GASK1A: variants seen among roughly 807,000 people sequenced by gnomAD.
GASK1A encodes the protein Golgi-associated kinase 1A.
Under a neutral mutation model 41.2 loss-of-function variants are expected in GASK1A, and 40 were observed. The ratio of observed to expected loss-of-function variants is 0.97; its 90% CI spans 0.75 to 1.27. The LOEUF (loss-of-function observed/expected upper bound fraction) is 1.27, where lower values mean the gene tolerates loss of function less well. Ranked by LOEUF, GASK1A falls within the 50% of genes most tolerant of loss-of-function variation. The pLI, the probability that GASK1A is intolerant of heterozygous loss-of-function variation, is 0.00. For synonymous variants in GASK1A, 316 were observed against 307.1 expected, an observed-to-expected ratio of 1.03 and a Z score of -0.30; for missense variants, 678 against 745.1, an observed-to-expected ratio of 0.91 and a Z score of 1.05.
intron 3 of GASK1A, among the ~76,000 whole-genome samples, chr3:43,055,037 CA>C (rs1228345860): frequency 6.6e-6 from 1 of 152,104 alleles, no homozygotes; most frequent in African/African-American, 2.4e-5. Flanking sequence ...CTTCAGCCAC[CA>C]AAATAGGATC....
At chr3:43,047,575 C>T (rs1315362154) in intron 2 of GASK1A, among the ~76,000 whole-genome samples, 1 of 152,110 alleles carries the variant, frequency 6.6e-6, no homozygotes, top group African/African-American at 2.4e-5. Context: ...TGCTATTGGC[C>T]TCTTAATTTG....
chr3:43,016,934 G>T, intron 1 of GASK1A, among the ~76,000 whole-genome samples: 1 of 148,104 alleles, frequency 6.8e-6, no homozygotes, highest in Non-Finnish European at 1.5e-5. Flanking sequence ...GGAAGGGGCT[G>T]TGTGAAGTCC....
In GASK1A at chr3:43,038,174, A is replaced by G. The variant is rs80134610; in HGVS notation, c.1290+4621A>G. Among the ~76,000 whole-genome samples the G allele has an allele frequency of 6.4e-3, 976 of 152,324 alleles. 14 individuals are homozygous for G. Among genetic ancestry groups the G allele is most frequent in the African/African-American group, 0.023 (942 of 41,582 alleles). ...AAACTTTTCGTGACTCACACCATGC[A>G]TCTGTGATCAATGAACTATGTGGTT... On this transcript the variant is annotated intron_variant, in intron 2 of 4. Coordinates refer to ENST00000430121, the MANE Select transcript of GASK1A (RefSeq NM_001129908.3).
intron 1 of GASK1A, among the ~76,000 whole-genome samples, chr3:43,005,597 A>G (rs1446915981): frequency 6.6e-6 from 1 of 152,184 alleles, no homozygotes; most frequent in Admixed American, 6.5e-5. Flanking sequence ...TCATGGCCCA[A>G]AGTGCAAGAG....
intron 1 of GASK1A, among the ~76,000 whole-genome samples, chr3:43,026,828 C>T (rs1320749426): frequency 1.3e-5 from 2 of 151,998 alleles, no homozygotes; most frequent in African/African-American, 4.8e-5. Context: ...AAAATAAAGT[C>T]ATGGAATGGA....
intron 1 of GASK1A, among the ~76,000 whole-genome samples, chr3:42,980,929 C>A (rs533549459): frequency 6.6e-6 from 1 of 152,292 alleles, no homozygotes; most frequent in East Asian, 1.9e-4. Context: ...ACTCAGGCCA[C>A]AGCCATCCAC....
At chr3:43,022,737 A>G (rs1162331453) in intron 1 of GASK1A, among the ~76,000 whole-genome samples, 1 of 152,224 alleles carries the variant, frequency 6.6e-6, no homozygotes, top group Non-Finnish European at 1.5e-5. Flanking sequence ...GTGGGGCCCA[A>G]CAACTTCCTC....
chr3:43,033,440 C>G lies in GASK1A; in HGVS notation c.1177C>G (p.Leu393Val), dbSNP rs757818596. Residue 393 changes from leucine to valine, a missense_variant, in exon 2 of 5, where the codon CTG becomes GTG. Coordinates refer to ENST00000430121, the MANE Select transcript of GASK1A (RefSeq NM_001129908.3). The part of the protein sequence containing the change: ...EDQNSLALGW[L>V]QYQALLAHSC... ...TCAGAACTCTCTGGCCTTGGGCTGG[C>G]TGCAGTATCAGGCCCTGCTGGCACA... 4 of 1,551,292 alleles carry G rather than the reference C, an allele frequency of 2.6e-6. No individual in the cohort carries two copies.
chr3:43,030,819 C>T (rs1434487029), intron 1 of GASK1A, among the ~76,000 whole-genome samples: 1 of 152,010 alleles, frequency 6.6e-6, no homozygotes, highest in Non-Finnish European at 1.5e-5. Flanking sequence ...AGATATGGCT[C>T]GGGTGGATTG....
chr3:43,005,038 G>C (rs1376179763), intron 1 of GASK1A, among the ~76,000 whole-genome samples: 1 of 141,644 alleles, frequency 7.1e-6, no homozygotes, highest in Non-Finnish European at 1.6e-5. Context: ...AAAGCCACCA[G>C]TGCAGCATCT....
At chr3:42,979,791 G>T in intron 1 of GASK1A, 146 bp downstream of exon 1, 1 of 824,816 alleles carries the variant, frequency 1.2e-6, no homozygotes. Flanking sequence ...TGCATGGGGC[G>T]GCGGCGGCTT....
chr3:43,023,962 C>T (rs924662474), intron 1 of GASK1A, among the ~76,000 whole-genome samples: 2 of 152,088 alleles, frequency 1.3e-5, no homozygotes, highest in African/African-American at 4.8e-5. Context: ...AGGTGGGGAC[C>T]GGCAGTACAC....
chr3:43,000,467 G>C (rs2089403100), intron 1 of GASK1A, among the ~76,000 whole-genome samples: 1 of 152,214 alleles, frequency 6.6e-6, no homozygotes, highest in Non-Finnish European at 1.5e-5. Context: ...TCCAGGCTTG[G>C]CCCTTGATGC....
At position 43,033,517 on chromosome 3, in the gene GASK1A, G is replaced by A. The variant is rs2089590772; in HGVS notation, c.1254G>A (p.Glu418=). ...CGTGCCCGGGCATCCACCATACCGA[G>A]TGGGCACGCCTGGCGCTCTTCGACT... The part of the protein sequence containing the change: ...QAPCPGIHHT[E]WARLALFDFL... Residue 418 remains glutamate, a synonymous_variant, in exon 2 of 5, where the codon GAG becomes GAA. Transcript: ENST00000430121. The A allele has an allele frequency of 2.6e-6, 4 of 1,547,146 alleles. No homozygotes were observed. The highest frequency in any genetic ancestry group is 2.6e-6 in the Non-Finnish European group (3 of 1,144,672).
Position 43,032,587 on chromosome 3 carries a change from A to G in GASK1A, c.324A>G (p.Pro108=). ...GAGTGGACAGAAGCAGGGAGTCCCC[A>G]GGAGGGGACCTCAGGCATCCAGGGA... The part of the protein sequence containing the change: ...RARVDRSRES[P]GGDLRHPGRV... The change falls in exon 2 of 5, where the codon CCA becomes CCG. Residue 108 remains proline (P), a synonymous_variant. Transcript: ENST00000430121. The G allele has an allele frequency of 6.4e-7, 1 of 1,551,554 alleles. No individual in the cohort carries two copies. The highest frequency in any genetic ancestry group is 8.7e-7 in the Non-Finnish European group (1 of 1,146,860).
intron 1 of GASK1A, among the ~76,000 whole-genome samples, chr3:43,025,640 T>G (rs1268793539): frequency 6.6e-6 from 1 of 152,192 alleles, no homozygotes; most frequent in Non-Finnish European, 1.5e-5. Flanking sequence ...AGCTGGTGAA[T>G]AAATCTTGTG....
In GASK1A at chr3:42,985,546, CGTGTGTGTGTGTGT is replaced by C. The variant is rs56195274; in HGVS notation, c.3+5929_3+5942del. ...AGTTTATTGAGGCTGCCTGTGCATA[CGTGTGTGTGTGTGT>C]GTGTGTGTGTGTGTGTGTGTGTGTG... is the stretch of plus-strand genomic sequence containing the variant. On this transcript the variant is annotated intron_variant, in intron 1 of 4. Transcript: ENST00000430121. 6.5e-4 allele frequency among the ~76,000 whole-genome samples: 87 copies of C among 134,796 alleles called. 2 individuals carry two copies. The South Asian group carries it at 0.022, about 35-fold the overall frequency. 88.4% of individuals were successfully genotyped at this position (134,796 alleles called of 152,430 possible).
chr3:43,046,440 G>T (rs941746508), intron 2 of GASK1A, among the ~76,000 whole-genome samples: 1 of 152,302 alleles, frequency 6.6e-6, no homozygotes, highest in East Asian at 1.9e-4. Flanking sequence ...TTTCTAAGCA[G>T]CAAAGCATTC....
intron 1 of GASK1A, among the ~76,000 whole-genome samples, chr3:43,024,430 G>A (rs1407839888): frequency 6.6e-6 from 1 of 152,134 alleles, no homozygotes; most frequent in Non-Finnish European, 1.5e-5. Flanking sequence ...GTTTCTAGCT[G>A]ACTGTGAATA....
Sources: gnomAD v4.1 joint callset for allele counts (sites outside exome capture counted in the v4.1 genomes callset) on GRCh38, gnomAD v4.1.1 for gene constraint, MANE v1.5 for transcripts, NCBI Gene and HGNC (gene_info 2026-07-23, HGNC 2026-07-21) for gene names.